Variants in EVC observed in about 807,000 individuals in gnomAD.
EVC encodes the protein evC complex member EVC.
In EVC, 116 loss-of-function variants were observed where a neutral mutation model predicts 118.9. That is an observed-to-expected ratio of 0.98 (90% CI 0.84 to 1.14). The LOEUF is 1.14. Ranked by LOEUF, EVC falls within the 50% of genes most tolerant of loss-of-function variation. The pLI is 0.00. For synonymous variants in EVC, 619 were observed against 534.7 expected, an observed-to-expected ratio of 1.16 and a Z score of -2.18; for missense variants, 1,401 against 1,246.4, an observed-to-expected ratio of 1.12 and a Z score of -1.87.
Position 5,812,903 on chromosome 4 carries a change from A to G in EVC, c.*1866A>G, listed in dbSNP as rs1044696585. 6 of 152,372 alleles carry G rather than the reference A, an allele frequency of 3.9e-5. No homozygotes were observed. Among genetic ancestry groups the G allele is most frequent in the African/African-American group, 1.4e-4 (6 of 41,594 alleles). The allele number at this position is 152,372 out of a possible 1,614,324, so 9.4% of individuals were successfully genotyped here. On this transcript the variant is annotated 3_prime_UTR_variant, in exon 21 of 21. Coordinates refer to ENST00000264956, the MANE Select transcript of EVC (RefSeq NM_153717.3). ...GCCTTGCCCTGGTCTAATCCAGGAC[A>G]TAGCCGTGGATACGTCCAAAAATCC...
At position 5,810,419 on chromosome 4, in the gene EVC, G is replaced by A; in HGVS notation, c.2863G>A (p.Ala955Thr). Residue 955 changes from alanine to threonine, a missense_variant, in exon 20 of 21, where the codon GCC (alanine) becomes ACC (threonine). Physicochemically the swap from Ala to Thr is moderately conservative, Grantham distance 58. Coordinates refer to ENST00000264956, the MANE Select transcript of EVC (RefSeq NM_153717.3). ...DLGVPNNEDL[A>T]SGDQTSGSLS... ...GGGGGTGCCCAACAATGAGGACCTT[G>A]CCTCCGGGGACCAGACCTCAGGCTC... 5.6e-6 allele frequency: 9 copies of A among 1,613,284 alleles called. No individual in the cohort carries two copies. The highest frequency in any genetic ancestry group is 7.6e-6 in the Non-Finnish European group (9 of 1,179,794).
At chr4:5,722,278 C>T (rs546419157) in intron 2 of EVC, among the ~76,000 whole-genome samples, 2 of 152,308 alleles carry the variant, frequency 1.3e-5, no homozygotes, top group African/African-American at 2.4e-5. Flanking sequence ...ATTTCTACCC[C>T]GCTGTAAGGT....
the EVC span, chr4:5,828,023 C>T: frequency 4.1e-6 from 4 of 984,718 alleles, no homozygotes; most frequent in South Asian, 4.7e-5. Context: ...GAAGAAAGGG[C>T]GGATCTGAAG....
rs1716889390 is a variant in EVC at position 5,811,389 on chromosome 4, AG to A, written c.*354del. 1 of 342,542 alleles carries A rather than the reference AG, an allele frequency of 2.9e-6. No individual in the cohort carries two copies. Among genetic ancestry groups the A allele is most frequent in the South Asian group, 2.7e-5 (1 of 37,696 alleles). 21.2% of individuals were successfully genotyped at this position (342,542 alleles called of 1,614,324 possible). A position where few individuals can be genotyped will look rare whatever the true frequency, so the allele number is the denominator to read the frequency against. Reference sequence around the variant, plus strand: ...GCAGACTCTGGAATCCCTGGCCCAAAGGCCTGTCTGGGCCCATCTGGGGCTG... The same window carrying A: ...GCAGACTCTGGAATCCCTGGCCCAAAGCCTGTCTGGGCCCATCTGGGGCTG... On this transcript the variant is annotated 3_prime_UTR_variant, in exon 21 of 21. Transcript: ENST00000264956.
intron 12 of EVC, among the ~76,000 whole-genome samples, chr4:5,786,062 C>T (rs1465934337): frequency 1.1e-4 from 16 of 152,214 alleles, no homozygotes; most frequent in Non-Finnish European, 4.4e-5. Flanking sequence ...TGAGCCAGAG[C>T]AGACACATTA....
intron 11 of EVC, among the ~76,000 whole-genome samples, chr4:5,757,619 C>T (rs886365544): frequency 2.0e-5 from 3 of 152,290 alleles, no homozygotes; most frequent in East Asian, 1.9e-4. Flanking sequence ...CCTCCTCACA[C>T]GGTTATTTCT....
intron 12 of EVC, among the ~76,000 whole-genome samples, chr4:5,787,244 C>A (rs536587305): frequency 1.3e-5 from 2 of 152,348 alleles, no homozygotes; most frequent in East Asian, 3.9e-4. Flanking sequence ...TATAATGGCC[C>A]CCCAGAGAGG....
chr4:5,759,616 T>C (rs1046806041), intron 11 of EVC, among the ~76,000 whole-genome samples: 2 of 152,204 alleles, frequency 1.3e-5, no homozygotes, highest in African/African-American at 4.8e-5. Flanking sequence ...CATCAGAATG[T>C]CATCAAGATT....
In EVC at chr4:5,802,098, C is replaced by T. The variant is rs753679138; in HGVS notation, c.2449+4C>T. 104 of 1,598,538 alleles carry T rather than the reference C, an allele frequency of 6.5e-5. No homozygotes were observed. Among genetic ancestry groups the T allele is most frequent in the African/African-American group, 3.3e-4 (24 of 73,776 alleles). Reference sequence around the variant, plus strand: ...CAGCACCTGAAGACCCTGCAGGGTACGGGACCCCCCCTCAGGGAAGCCCCA... The same window carrying T: ...CAGCACCTGAAGACCCTGCAGGGTATGGGACCCCCCCTCAGGGAAGCCCCA... On this transcript the variant is annotated splice_donor_region_variant and intron_variant, in intron 16 of 20. Transcript: ENST00000264956.
At position 5,771,739 on chromosome 4, in the gene EVC, G is replaced by A. The variant is rs143268166; in HGVS notation, c.1564-11813G>A. Among the ~76,000 whole-genome samples the A allele has an allele frequency of 5.3e-3, 808 of 152,282 alleles. 9 individuals are homozygous for A. The highest frequency in any genetic ancestry group is 0.018 in the African/African-American group (755 of 41,550). On this transcript the variant is annotated intron_variant, in intron 11 of 20. Transcript: ENST00000264956. Reference sequence around the variant, plus strand: ...CGCCGGGAAGCAGGTGTCCATGGGCGCTGCAGAGTGCAAGGCAGTTTCCAT... The same window carrying A: ...CGCCGGGAAGCAGGTGTCCATGGGCACTGCAGAGTGCAAGGCAGTTTCCAT...
chr4:5,821,943 C>CCT, the EVC span: 12 of 1,141,504 alleles, frequency 1.1e-5, no homozygotes, highest in South Asian at 1.5e-5. The surrounding 1 kb of genome is among the most constrained non-coding windows in gnomAD (Gnocchi z 4.4). Context: ...ATGCACTCCA[C>CCT]TGGACCCACC....
intron 8 of EVC, among the ~76,000 whole-genome samples, chr4:5,751,720 G>A (rs1197478971): frequency 1.3e-5 from 2 of 152,206 alleles, no homozygotes; most frequent in Non-Finnish European, 2.9e-5. Flanking sequence ...AGGAGCCCTG[G>A]GGCAGTGGAG....
chr4:5,756,376 G>A lies in EVC; in HGVS notation c.1563+14G>A, dbSNP rs762635502. On this transcript the variant is annotated intron_variant, in intron 11 of 20. Transcript: ENST00000264956. The surrounding 1 kb of genome is among the most constrained non-coding windows in gnomAD (Gnocchi z 4.2). Reference sequence around the variant, plus strand: ...GCACTCTGCCAGGTACATGGCCTCTGTGGGGACCAGCAGAGAAGCCCCAGG... The same window carrying A: ...GCACTCTGCCAGGTACATGGCCTCTATGGGGACCAGCAGAGAAGCCCCAGG... The A allele has an allele frequency of 3.1e-6, 5 of 1,595,660 alleles. No individual in the cohort carries two copies. In the South Asian group the frequency reaches 4.5e-5, roughly 14 times the overall value.
At chr4:5,823,588 C>G in the EVC span, among the ~76,000 whole-genome samples, 1 of 152,192 alleles carries the variant, frequency 6.6e-6, no homozygotes. Flanking sequence ...GTCAGCCTTA[C>G]AGTAATGAGT....
In EVC at chr4:5,729,327, C is replaced by G; in HGVS notation, c.321C>G (p.Asn107Lys). The change falls in exon 3 of 21, where the codon AAC becomes AAG. Residue 107 changes from asparagine (N) to lysine (K), a missense_variant. Transcript: ENST00000264956. ...EAVDECEPPS[N>K]SNITAFALKA... ...CCCAGGAATGTGAGCCGCCTTCCAA[C>G]AGCAATATCACAGCATTCGCCCTGA... The G allele has an allele frequency of 1.2e-6, 2 of 1,614,174 alleles. No individual in the cohort carries two copies. Among genetic ancestry groups the G allele is most frequent in the Non-Finnish European group, 1.7e-6 (2 of 1,180,034 alleles).
chr4:5,753,679 C>A, intron 9 of EVC, 106 bp from the exon 10 acceptor site: 5 of 1,467,080 alleles, frequency 3.4e-6, no homozygotes, highest in Non-Finnish European at 4.8e-6. Context: ...ATCTCTGCAG[C>A]CGACACCAGC....
intron 16 of EVC, 31 bp from the exon 17 acceptor site, chr4:5,804,699 C>G: frequency 6.3e-7 from 1 of 1,598,702 alleles, no homozygotes; most frequent in Admixed American, 1.7e-5. Flanking sequence ...TCCAAACAGA[C>G]CCCTTGATTG....
At chr4:5,729,001 T>TCA (rs1726329098) in intron 2 of EVC, among the ~76,000 whole-genome samples, 2 of 151,790 alleles carry the variant, frequency 1.3e-5, no homozygotes, top group Non-Finnish European at 2.9e-5. Flanking sequence ...CCCATCTGTC[T>TCA]GTCCATCCTT....
At chr4:5,753,957 C>T (rs778770904) in intron 10 of EVC, 24 bp downstream of exon 10, 1 of 1,612,278 alleles carries the variant, frequency 6.2e-7, no homozygotes, top group Non-Finnish European at 8.5e-7. Context: ...CCAGCCTCTG[C>T]ACATGTGGGT....
Sources: gnomAD v4.1 joint callset for allele counts (sites outside exome capture counted in the v4.1 genomes callset) on GRCh38, gnomAD v4.1.1 for gene constraint, Gnocchi (gnomAD v3.1) non-coding constraint, MANE v1.5 for transcripts, NCBI Gene and HGNC (gene_info 2026-07-23, HGNC 2026-07-21) for gene names.